Variants in MYH16 observed in about 807,000 individuals in gnomAD.
MYH16 encodes putative uncharacterized protein MYH16.
intron 18 of MYH16, among the ~76,000 whole-genome samples, chr7:99,270,358 G>A (rs1303890142): frequency 7.1e-6 from 1 of 140,170 alleles, no homozygotes; most frequent in East Asian, 2.1e-4. Flanking sequence ...GTCTTGCTCT[G>A]TTGCCCAGGC....
chr7:99,286,899 G>C (rs962517990), intron 28 of MYH16, among the ~76,000 whole-genome samples: 1 of 152,098 alleles, frequency 6.6e-6, no homozygotes, highest in African/African-American at 2.4e-5. Context: ...AGGCTGTGGT[G>C]AGCCATGATG....
intron 18 of MYH16, among the ~76,000 whole-genome samples, chr7:99,270,323 A>AAT (rs1417191603): frequency 8.8e-5 from 12 of 136,248 alleles, no homozygotes; most frequent in East Asian, 2.2e-4. Flanking sequence ...AGAAAAAAAA[A>AAT]TTTTTTTTTT....
At chr7:99,275,408 CT>C (rs1165107857) in intron 20 of MYH16, among the ~76,000 whole-genome samples, 1 of 152,230 alleles carries the variant, frequency 6.6e-6, no homozygotes, top group Admixed American at 6.5e-5. Flanking sequence ...GCGTGAGCCA[CT>C]GTGCCCAGCC....
Position 99,283,930 on chromosome 7 carries a change from C to T in MYH16, n.3137C>T, listed in dbSNP as rs778000676. 73 of 456,596 alleles carry T rather than the reference C, an allele frequency of 1.6e-4. 1 individual carries two copies. The highest frequency in any genetic ancestry group is 1.0e-3 in the South Asian group (65 of 64,566). 28.3% of individuals were successfully genotyped at this position (456,596 alleles called of 1,614,324 possible). On this transcript the variant is annotated non_coding_transcript_exon_variant, in exon 25 of 42. Coordinates refer to ENST00000439784, the Ensembl canonical transcript of MYH16. ...CCGGGCGGAGGTGGAAAAGGCTCGT[C>T]GGAAAGCTGAGAGTGACCTGAAGAT...
downstream of MYH16, among the ~76,000 whole-genome samples, chr7:99,308,449 T>C (rs563193192): frequency 6.6e-6 from 1 of 152,132 alleles, no homozygotes; most frequent in African/African-American, 2.4e-5. Flanking sequence ...AGCTCTGCCT[T>C]CCTGGTTCCT....
chr7:99,289,083 C>T (rs1792329689), intron 29 of MYH16, among the ~76,000 whole-genome samples: 1 of 151,000 alleles, frequency 6.6e-6, no homozygotes, highest in African/African-American at 2.4e-5. Flanking sequence ...CTATGCACTC[C>T]AGCCGGGGTG....
intron 21 of MYH16, 70 bp from the exon 4 acceptor site, chr7:99,279,440 G>A (rs1373455392): frequency 2.3e-6 from 1 of 435,902 alleles, no homozygotes; most frequent in South Asian, 1.6e-5. Flanking sequence ...TTCAGCTCAA[G>A]GCTTGTCCAG....
At chr7:99,239,732 A>G (rs892627684) in intron 1 of MYH16, among the ~76,000 whole-genome samples, 2 of 152,214 alleles carry the variant, frequency 1.3e-5, no homozygotes, top group African/African-American at 2.4e-5. Flanking sequence ...GTAGCTTGCT[A>G]TCAGCCGTGA....
chr7:99,272,708 T>C (rs1792062185), intron 19 of MYH16, among the ~76,000 whole-genome samples, 131 bp from the exon 1 acceptor site: 2 of 151,840 alleles, frequency 1.3e-5, no homozygotes, highest in South Asian at 2.1e-4. Context: ...AATTGCACCA[T>C]TGCACTCTAG....
At chr7:99,240,396 A>G (rs1791653493) in intron 1 of MYH16, among the ~76,000 whole-genome samples, 2 of 152,190 alleles carry the variant, frequency 1.3e-5, no homozygotes, top group African/African-American at 4.8e-5. Flanking sequence ...GAAAAAAGAC[A>G]TTACTCTGCT....
chr7:99,258,815 A>AG (rs1427837559), intron 11 of MYH16, among the ~76,000 whole-genome samples: 3 of 151,860 alleles, frequency 2.0e-5, no homozygotes, highest in Non-Finnish European at 2.9e-5. Context: ...ACCACTAAAA[A>AG]AAAAAAGCTT....
intron 21 of MYH16, 97 bp from the exon 4 acceptor site, chr7:99,279,413 C>T (rs1356481384): frequency 2.7e-6 from 1 of 372,564 alleles, no homozygotes; most frequent in Non-Finnish European, 5.3e-6. Flanking sequence ...CCTTGTCCAA[C>T]CCCCAGGACA....
intron 32 of MYH16, 66 bp downstream of exon 13, chr7:99,292,574 C>T: frequency 2.3e-6 from 1 of 439,914 alleles, no homozygotes; most frequent in South Asian, 1.6e-5. Context: ...GGCCTCACCA[C>T]CATGTCAGTC....
At chr7:99,246,392 C>G (rs989657204) in intron 2 of MYH16, among the ~76,000 whole-genome samples, 1 of 151,436 alleles carries the variant, frequency 6.6e-6, no homozygotes, top group Non-Finnish European at 1.5e-5. Context: ...TATTAAGTGG[C>G]AAAAGCAAGA....
At chr7:99,244,058 T>A (rs920811089) in intron 2 of MYH16, among the ~76,000 whole-genome samples, 1 of 150,774 alleles carries the variant, frequency 6.6e-6, no homozygotes, top group Non-Finnish European at 1.5e-5. Flanking sequence ...TCCATACATA[T>A]ATACGTCCAA....
chr7:99,270,765 T>A (rs1416319740), intron 18 of MYH16, among the ~76,000 whole-genome samples: 1 of 152,072 alleles, frequency 6.6e-6, no homozygotes, highest in Non-Finnish European at 1.5e-5. Flanking sequence ...GTGCCTGTAG[T>A]CTCAGCTACT....
chr7:99,271,562 A>C (rs1792046899), intron 19 of MYH16, among the ~76,000 whole-genome samples: 1 of 152,192 alleles, frequency 6.6e-6, no homozygotes, highest in African/African-American at 2.4e-5. Context: ...AAGTTCACAC[A>C]CTGGGTGGCT....
chr7:99,286,785 C>T (rs1792284862), intron 28 of MYH16, among the ~76,000 whole-genome samples: 1 of 145,508 alleles, frequency 6.9e-6, no homozygotes, highest in Non-Finnish European at 1.5e-5. Flanking sequence ...ACAGCAAAAG[C>T]CCATCTCTCA....
At chr7:99,269,244 C>G (rs907653148) in intron 18 of MYH16, among the ~76,000 whole-genome samples, 1 of 151,984 alleles carries the variant, frequency 6.6e-6, no homozygotes, top group Non-Finnish European at 1.5e-5. Flanking sequence ...AGGAGTAACC[C>G]TGTCTTGAAT....
Sources: gnomAD v4.1 joint callset for allele counts (sites outside exome capture counted in the v4.1 genomes callset) on GRCh38, gnomAD v4.1.1 for gene constraint, MANE v1.5 for transcripts, NCBI Gene and HGNC (gene_info 2026-07-23, HGNC 2026-07-21) for gene names.